Variants in GABPB1 observed in about 807,000 individuals in gnomAD.
GABPB1 encodes the protein GA-binding protein subunit beta-1.
A neutral mutation model predicts 45.9 loss-of-function variants in GABPB1; 15 were observed. That is an observed-to-expected ratio of 0.33 (90% CI 0.22 to 0.50). The LOEUF (loss-of-function observed/expected upper bound fraction) is 0.50. Among genes scored for constraint, GABPB1 ranks in the 20% least tolerant of loss-of-function variants. GABPB1 has a pLI of 0.98. For synonymous variants in GABPB1, 143 were observed against 154.4 expected, an observed-to-expected ratio of 0.93 and a Z score of 0.55; for missense variants, 252 against 457.5, an observed-to-expected ratio of 0.55 and a Z score of 4.10.
At position 50,324,217 on chromosome 15, in the gene GABPB1, A is replaced by T. The variant is rs60516682; in HGVS notation, c.1-14419T>A. Among the ~76,000 whole-genome samples the T allele has an allele frequency of 1.9e-3, 212 of 112,746 alleles. 1 individual carries two copies. Among genetic ancestry groups the T allele is most frequent in the African/African-American group, 4.0e-3 (130 of 32,552 alleles). The allele number at this position is 112,746 out of a possible 152,430, so 74.0% of individuals were successfully genotyped here. A position where few individuals can be genotyped will look rare whatever the true frequency, so the allele number is the denominator to read the frequency against. ...AGACCTCATCTCAAAAAAAAAAAAA[A>T]TTTTTTTTAATGAGTTCATTGATGG... On this transcript the variant is annotated intron_variant, in intron 1 of 8. Coordinates refer to ENST00000380877, the MANE Select transcript of GABPB1 (RefSeq NM_016654.5).
intron 1 of GABPB1, among the ~76,000 whole-genome samples, chr15:50,335,664 C>G (rs972778331): frequency 2.0e-5 from 3 of 151,904 alleles, no homozygotes; most frequent in Non-Finnish European, 4.4e-5. Context: ...TTTGGGAGGC[C>G]AAGGCGGGTG....
At chr15:50,306,251 A>C (rs1310768398) in intron 2 of GABPB1, among the ~76,000 whole-genome samples, 1 of 152,108 alleles carries the variant, frequency 6.6e-6, no homozygotes, top group Non-Finnish European at 1.5e-5. Flanking sequence ...TTACAAGCGT[A>C]AGCCACTGTG....
rs569218234 is a variant in GABPB1, at chr15:50,278,691, C to A, written c.1093G>T (p.Ala365Ser). Residue 365 changes from alanine to serine, a missense_variant, in exon 9 of 9, where the codon GCC (alanine) becomes TCC (serine). By Grantham distance (99) the Ala-to-Ser change is moderately conservative (BLOSUM62 1). Coordinates refer to ENST00000380877, the MANE Select transcript of GABPB1 (RefSeq NM_016654.5). Reference sequence around the variant, plus strand: ...ATAGCTTCCAACTTCTGTCTGTAGGCCTCTGCTTCCTGTTCTTTCTTTAGG... The same window carrying A: ...ATAGCTTCCAACTTCTGTCTGTAGGACTCTGCTTCCTGTTCTTTCTTTAGG... ...QLLKKEQEAE[A>S]YRQKLEAMTR... The A allele has an allele frequency of 5.6e-6, 9 of 1,613,676 alleles. No homozygotes were observed. The East Asian group carries it at 2.0e-4, about 36-fold the overall frequency.
intron 8 of GABPB1, among the ~76,000 whole-genome samples, chr15:50,283,195 G>A (rs1478886722): frequency 6.6e-6 from 1 of 152,092 alleles, no homozygotes; most frequent in Non-Finnish European, 1.5e-5. Context: ...TCTTACACAT[G>A]TACAAAGATT....
chr15:50,306,156 T>C (rs563499853), intron 2 of GABPB1, among the ~76,000 whole-genome samples: 6 of 152,118 alleles, frequency 3.9e-5, no homozygotes, highest in Non-Finnish European at 8.8e-5. Flanking sequence ...TTCTTTTTGT[T>C]TGAGATGGGG....
chr15:50,323,174 T>C (rs956416141), intron 1 of GABPB1, among the ~76,000 whole-genome samples: 3 of 152,152 alleles, frequency 2.0e-5, no homozygotes, highest in South Asian at 4.1e-4. Context: ...AGTTTGAGAC[T>C]GTACTGCACA....
intron 1 of GABPB1, among the ~76,000 whole-genome samples, chr15:50,348,545 C>G (rs1230328069): frequency 6.6e-6 from 1 of 151,700 alleles, no homozygotes; most frequent in Non-Finnish European, 1.5e-5. Flanking sequence ...GACACTGAGC[C>G]CGGCCATTTT....
intron 6 of GABPB1, among the ~76,000 whole-genome samples, chr15:50,298,978 G>C (rs1183217787): frequency 7.0e-6 from 1 of 143,804 alleles, no homozygotes; most frequent in Non-Finnish European, 1.5e-5. Flanking sequence ...AAAGAGAAAA[G>C]AAAAGAAAAA....
chr15:50,342,232 C>G (rs957363300), intron 1 of GABPB1, among the ~76,000 whole-genome samples: 2 of 152,142 alleles, frequency 1.3e-5, no homozygotes, highest in African/African-American at 4.8e-5. Flanking sequence ...TAACACACTT[C>G]CATTATTAGA....
rs748120990 is a variant in GABPB1 at position 50,289,512 on chromosome 15, A to G, written c.854T>C (p.Ile285Thr). 6.2e-7 allele frequency: 1 copy of G among 1,612,990 alleles called. No individual in the cohort carries two copies. Among genetic ancestry groups the G allele is most frequent in the Non-Finnish European group, 8.5e-7 (1 of 1,179,492 alleles). The change falls in exon 7 of 9, where the codon ATC (isoleucine) becomes ACC (threonine). Residue 285 changes from isoleucine (I) to threonine (T), a missense_variant. By Grantham distance (89) the Ile-to-Thr change is moderately conservative. This residue lies in a region of GABPB1 where 193 missense variants were observed against 259.9 expected (regional missense o/e 0.74). Transcript: ENST00000380877. Reference protein sequence around the residue: ...SIPTSGIGQPIIVTMPDGQQV... With the variant: ...SIPTSGIGQPTIVTMPDGQQV... Reference sequence around the variant, plus strand: ...TTGTCCATCTGGCATGGTCACAATGATGGGCTGACCAATTCCACTGGTTGG... The same window carrying G: ...TTGTCCATCTGGCATGGTCACAATGGTGGGCTGACCAATTCCACTGGTTGG...
chr15:50,300,660 G>A (rs936262283), intron 6 of GABPB1, 129 bp downstream of exon 6: 1 of 616,080 alleles, frequency 1.6e-6, no homozygotes, highest in Non-Finnish European at 2.9e-6. Context: ...GTCCAGGCTG[G>A]TCTCAAACTC....
At chr15:50,305,215 A>T (rs944353909) in intron 2 of GABPB1, among the ~76,000 whole-genome samples, 4 of 152,200 alleles carry the variant, frequency 2.6e-5, no homozygotes, top group Non-Finnish European at 4.4e-5. Context: ...TTACACATAT[A>T]AACAGTTTAT....
intron 1 of GABPB1, among the ~76,000 whole-genome samples, chr15:50,338,926 C>T (rs1237680688): frequency 1.3e-5 from 2 of 152,184 alleles, no homozygotes; most frequent in Non-Finnish European, 2.9e-5. Context: ...TTTGGGAGGC[C>T]AAGGCGGGCA....
At chr15:50,325,402 C>T (rs760177852) in intron 1 of GABPB1, among the ~76,000 whole-genome samples, 3 of 151,806 alleles carry the variant, frequency 2.0e-5, no homozygotes, top group Non-Finnish European at 2.9e-5. Context: ...TCTCGTCACT[C>T]CCTGTCTGGT....
chr15:50,302,535 T>A (rs919573924), intron 4 of GABPB1, among the ~76,000 whole-genome samples: 2 of 150,416 alleles, frequency 1.3e-5, no homozygotes, highest in African/African-American at 4.9e-5. Context: ...TCCCAGCTAT[T>A]TGAGAGGCTG....
At chr15:50,294,783 T>C (rs2046457573) in intron 6 of GABPB1, among the ~76,000 whole-genome samples, 2 of 152,160 alleles carry the variant, frequency 1.3e-5, no homozygotes, top group Non-Finnish European at 2.9e-5. Flanking sequence ...TTTTTATTTT[T>C]ATTGTTTTTC....
intron 6 of GABPB1, among the ~76,000 whole-genome samples, chr15:50,293,808 T>C (rs1294658967): frequency 6.6e-6 from 1 of 152,182 alleles, no homozygotes; most frequent in Non-Finnish European, 1.5e-5. Flanking sequence ...TCTTTTTAAG[T>C]TGTGCTATGG....
chr15:50,335,586 T>C (rs1044606555), intron 1 of GABPB1, among the ~76,000 whole-genome samples: 4 of 152,162 alleles, frequency 2.6e-5, no homozygotes, highest in Admixed American at 1.3e-4. Flanking sequence ...TTATCCAACA[T>C]TTTCAATTGT....
At chr15:50,329,576 G>T (rs16963638) in intron 1 of GABPB1, among the ~76,000 whole-genome samples, 9,417 of 152,052 alleles carry the variant, frequency 0.062, 846 homozygotes, top group African/African-American at 0.2. Context: ...AAGCTCCAAA[G>T]TCACCTGAAA....
Sources: allele counts gnomAD v4.1 joint callset (sites outside exome capture counted in the v4.1 genomes callset), GRCh38; gene constraint gnomAD v4.1.1; regional missense constraint gnomAD v4.1.1; transcripts MANE v1.5; gene names NCBI Gene and HGNC (gene_info 2026-07-23, HGNC 2026-07-21).